Variants in PHF2 observed in about 807,000 individuals in gnomAD.
The protein encoded by PHF2 is PHD finger protein 2, also known as lysine-specific demethylase PHF2.
A neutral mutation model predicts 120.5 loss-of-function variants in PHF2; 27 were observed. The observed-to-expected ratio is 0.22, with a 90% CI of 0.17 to 0.31. PHF2 has a LOEUF of 0.31. PHF2 is among the 10% of genes least tolerant of loss of function. The probability of loss-of-function intolerance (pLI) is 1.00; values close to 1 mark genes in which losing one functional copy is unlikely to be tolerated. For missense variants in PHF2, 1,024 were observed against 1,434.8 expected (o/e 0.71, Z 4.63); for synonymous variants, 568 against 592.5 (o/e 0.96, Z 0.60).
At chr9:93,594,464 C>G (rs1825294043) in intron 1 of PHF2, among the ~76,000 whole-genome samples, 1 of 152,178 alleles carries the variant, frequency 6.6e-6, no homozygotes. Flanking sequence ...CCAGGAGCAG[C>G]CACCACTTCC....
At chr9:93,622,733 C>T (rs1352955746) in intron 1 of PHF2, among the ~76,000 whole-genome samples, 2 of 152,152 alleles carry the variant, frequency 1.3e-5, no homozygotes, top group African/African-American at 4.8e-5. Flanking sequence ...CTTCAGGGGG[C>T]TCCTGTCCAA....
chr9:93,673,961 C>T, intron 18 of PHF2, 99 bp downstream of exon 18: 1 of 1,300,246 alleles, frequency 7.7e-7, no homozygotes. Context: ...CTCCAAGTTA[C>T]AGCAGGCCTC....
chr9:93,633,772 A>G (rs971818910), intron 2 of PHF2, among the ~76,000 whole-genome samples: 4 of 152,042 alleles, frequency 2.6e-5, no homozygotes, highest in African/African-American at 9.7e-5. Flanking sequence ...CAGGAGTGCA[A>G]TTGGTGAAAT....
intron 1 of PHF2, among the ~76,000 whole-genome samples, chr9:93,577,239 G>A (rs972904277): frequency 1.2e-4 from 18 of 151,152 alleles, no homozygotes; most frequent in Non-Finnish European, 2.1e-4. Flanking sequence ...CCGGAGGGAG[G>A]CCGAGGCCCG....
chr9:93,598,709 T>G (rs527416560), intron 1 of PHF2, among the ~76,000 whole-genome samples: 4 of 152,174 alleles, frequency 2.6e-5, no homozygotes, highest in Non-Finnish European at 5.9e-5. Flanking sequence ...GGCTGTACTT[T>G]GACCATTTTT....
intron 18 of PHF2, 90 bp downstream of exon 18, chr9:93,673,952 T>G: frequency 2.2e-6 from 3 of 1,382,020 alleles, no homozygotes; most frequent in Non-Finnish European, 2.9e-6. Context: ...CATGCAGCTC[T>G]CCAAGTTACA....
chr9:93,643,967 C>T (rs1826211224), intron 3 of PHF2, among the ~76,000 whole-genome samples: 2 of 152,176 alleles, frequency 1.3e-5, no homozygotes, highest in Non-Finnish European at 2.9e-5. Context: ...CCTTTCCCTG[C>T]CCCCTAGTCC....
At position 93,664,512 on chromosome 9, in the gene PHF2, A is replaced by G. The variant is rs1826640217; in HGVS notation, c.1937+877A>G. Among the ~76,000 whole-genome samples the G allele has an allele frequency of 2.0e-5, 3 of 152,288 alleles. No homozygotes were observed. The South Asian group carries it at 6.2e-4, about 32-fold the overall frequency. ...CACTTTTCTGCAGCAGCCACTGACT[A>G]ACTTGGCCAGGTTGTAGTTTCCTCA... On this transcript the variant is annotated intron_variant, in intron 14 of 21. Transcript: ENST00000359246.
intron 1 of PHF2, among the ~76,000 whole-genome samples, chr9:93,627,747 T>C (rs186985173): frequency 1.3e-5 from 2 of 152,278 alleles, no homozygotes; most frequent in South Asian, 2.1e-4. Context: ...TCTGTATCAA[T>C]TGAGATGGTC....
At chr9:93,660,593 T>C (rs1163266811) in intron 12 of PHF2, 33 bp downstream of exon 12, 1 of 1,508,752 alleles carries the variant, frequency 6.6e-7, no homozygotes, top group Admixed American at 2.3e-5. Flanking sequence ...CCCCACCTTA[T>C]CACCAGAGGT....
intron 1 of PHF2, among the ~76,000 whole-genome samples, chr9:93,603,160 G>A (rs1825476321): frequency 6.6e-6 from 1 of 152,176 alleles, no homozygotes; most frequent in African/African-American, 2.4e-5. Context: ...TGGTGCCGAG[G>A]GCTGGGCTCT....
chr9:93,647,034 G>A (rs527926965), intron 4 of PHF2, among the ~76,000 whole-genome samples: 3 of 152,206 alleles, frequency 2.0e-5, no homozygotes, highest in African/African-American at 2.4e-5. Context: ...CGGCTTTACC[G>A]CAGGTTTGCC....
In PHF2 at chr9:93,665,711, A is replaced by T; in HGVS notation, c.1963A>T (p.Ser655Cys). The T allele has an allele frequency of 6.2e-7, 1 of 1,613,916 alleles. No homozygotes were observed. Among genetic ancestry groups the T allele is most frequent in the Non-Finnish European group, 8.5e-7 (1 of 1,180,018 alleles). ...CTCCAAGGCTCTCAGGCCCCCGACGAGCCCTGGTGTGTTCGGGGCCTTGCA... is the reference window on the plus strand; with the variant it reads ...CTCCAAGGCTCTCAGGCCCCCGACGTGCCCTGGTGTGTTCGGGGCCTTGCA... ...LGSKALRPPT[S>C]PGVFGALQNF... The change falls in exon 15 of 22, where the codon AGC becomes TGC. Residue 655 changes from serine (S) to cysteine (C), a missense_variant. Coordinates refer to ENST00000359246, the MANE Select transcript of PHF2 (RefSeq NM_005392.4).
At chr9:93,647,642 C>T (rs1484570377) in intron 4 of PHF2, among the ~76,000 whole-genome samples, 1 of 152,162 alleles carries the variant, frequency 6.6e-6, no homozygotes, top group Admixed American at 6.5e-5. Flanking sequence ...GTAATCCCAG[C>T]ACTTTAGGAG....
At chr9:93,638,698 G>T (rs914043925) in intron 3 of PHF2, among the ~76,000 whole-genome samples, 1 of 152,264 alleles carries the variant, frequency 6.6e-6, no homozygotes, top group Non-Finnish European at 1.5e-5. Flanking sequence ...TTGAAATCAG[G>T]AAGTATAAGT....
At chr9:93,641,958 A>G (rs756555435) in intron 3 of PHF2, among the ~76,000 whole-genome samples, 5 of 152,184 alleles carry the variant, frequency 3.3e-5, no homozygotes, top group Non-Finnish European at 5.9e-5. Flanking sequence ...GAATTTTTGT[A>G]TACTATCTGA....
In PHF2 at chr9:93,660,308, A is replaced by G. The variant is rs538149634; in HGVS notation, c.1446A>G (p.Gln482=). 3.1e-6 allele frequency: 5 copies of G among 1,610,394 alleles called. No individual in the cohort carries two copies. The highest frequency in any genetic ancestry group is 1.1e-5 in the South Asian group (1 of 90,374). ...CTCCCATTGAGGCCACCCCGCCTCA[A>G]TCCCTCCTGGAGAAAGTGTCCAAAA... The part of the protein sequence containing the change: ...PPSPIEATPP[Q]SLLEKVSKKK... Residue 482 remains glutamine, a synonymous_variant, in exon 12 of 22, where the codon CAA becomes CAG. Transcript: ENST00000359246.
intron 1 of PHF2, among the ~76,000 whole-genome samples, chr9:93,599,783 C>T (rs777847763): frequency 6.6e-6 from 1 of 152,210 alleles, no homozygotes; most frequent in African/African-American, 2.4e-5. Flanking sequence ...GATTTAGAGG[C>T]GCCGGTGGGG....
chr9:93,654,609 G>A, intron 7 of PHF2, 34 bp downstream of exon 7: 1 of 1,597,856 alleles, frequency 6.3e-7, no homozygotes, highest in Non-Finnish European at 8.6e-7. Context: ...CCATGTACTA[G>A]GGCTTGCCGG....
Sources: gnomAD v4.1 joint callset for allele counts (sites outside exome capture counted in the v4.1 genomes callset) on GRCh38, gnomAD v4.1.1 for gene constraint, MANE v1.5 for transcripts, NCBI Gene and HGNC (gene_info 2026-07-23, HGNC 2026-07-21) for gene names.